Variants in TRPC7 observed in about 807,000 individuals in gnomAD.
TRPC7 encodes transient receptor potential cation channel subfamily C member 7.
Under a neutral mutation model 90.1 loss-of-function variants are expected in TRPC7, and 42 were observed. The ratio of observed to expected loss-of-function variants is 0.47; its 90% CI spans 0.36 to 0.60. TRPC7 has a LOEUF of 0.60. Ranked by LOEUF, TRPC7 falls within the 20% of genes least tolerant of loss-of-function variation. The pLI, the probability that TRPC7 is intolerant of heterozygous loss-of-function variation, is 0.00. For synonymous variants in TRPC7, 451 were observed against 436.3 expected, an observed-to-expected ratio of 1.03 and a Z score of -0.42; for missense variants, 955 against 1,112.3, an observed-to-expected ratio of 0.86 and a Z score of 2.01.
chr5:136,216,467 C>T (rs372381632), intron 10 of TRPC7, among the ~76,000 whole-genome samples, 192 bp from the exon 11 acceptor site: 5 of 152,162 alleles, frequency 3.3e-5, no homozygotes, highest in African/African-American at 9.7e-5. Flanking sequence ...TCGCCTCCCC[C>T]GCAGGATGCA....
intron 2 of TRPC7, among the ~76,000 whole-genome samples, chr5:136,321,799 AC>A (rs1759207876): frequency 6.6e-6 from 1 of 152,124 alleles, no homozygotes; most frequent in Admixed American, 6.5e-5. Context: ...GGACTGATGT[AC>A]TATATAAGCT....
intron 6 of TRPC7, among the ~76,000 whole-genome samples, chr5:136,251,126 A>G (rs1162523932): frequency 1.3e-5 from 2 of 152,212 alleles, no homozygotes; most frequent in East Asian, 1.9e-4. Flanking sequence ...TAAAGTCTCA[A>G]TCTACTACAT....
intron 8 of TRPC7, among the ~76,000 whole-genome samples, chr5:136,231,142 C>A (rs1192783943): frequency 6.6e-6 from 1 of 152,200 alleles, no homozygotes; most frequent in Non-Finnish European, 1.5e-5. Context: ...TCTGCTCTCG[C>A]TGGGCCTCAT....
At chr5:136,295,487 C>A (rs901426310) in intron 3 of TRPC7, among the ~76,000 whole-genome samples, 65 of 152,236 alleles carry the variant, frequency 4.3e-4, no homozygotes, top group African/African-American at 1.6e-3. Flanking sequence ...GCCTGCTAGG[C>A]AGGGTGAGCT....
intron 7 of TRPC7, among the ~76,000 whole-genome samples, chr5:136,242,139 T>G (rs770865968): frequency 9.9e-5 from 15 of 152,230 alleles, no homozygotes; most frequent in Non-Finnish European, 2.2e-4. Context: ...AGAACTTTTC[T>G]TAAAGACTTT....
chr5:136,300,353 T>C (rs913813132), intron 3 of TRPC7, among the ~76,000 whole-genome samples: 16 of 152,194 alleles, frequency 1.1e-4, no homozygotes, highest in African/African-American at 3.4e-4. Flanking sequence ...TCATGTGTGG[T>C]GGGAGTACTC....
chr5:136,319,716 T>A (rs1272147353), intron 2 of TRPC7, among the ~76,000 whole-genome samples: 1 of 134,232 alleles, frequency 7.4e-6, no homozygotes, highest in African/African-American at 2.5e-5. Flanking sequence ...TCATTTTACA[T>A]GACCTACCAA....
intron 3 of TRPC7, among the ~76,000 whole-genome samples, chr5:136,299,968 AT>A (rs1758320187): frequency 6.6e-6 from 1 of 152,196 alleles, no homozygotes; most frequent in South Asian, 2.1e-4. Context: ...ATCTTAGCAA[AT>A]GCAGTACAGT....
At chr5:136,308,568 C>G (rs1330194524) in intron 3 of TRPC7, among the ~76,000 whole-genome samples, 2 of 152,228 alleles carry the variant, frequency 1.3e-5, no homozygotes, top group Non-Finnish European at 2.9e-5. Context: ...CCCCAGGTCC[C>G]CTTTGCTCAC....
intron 2 of TRPC7, among the ~76,000 whole-genome samples, chr5:136,321,217 C>T (rs1264932212): frequency 1.3e-5 from 2 of 152,070 alleles, no homozygotes; most frequent in Non-Finnish European, 2.9e-5. Context: ...AGCGTGTTTC[C>T]TTCTATTTGG....
At chr5:136,329,978 C>T (rs1759450969) in intron 2 of TRPC7, among the ~76,000 whole-genome samples, 1 of 152,202 alleles carries the variant, frequency 6.6e-6, no homozygotes, top group South Asian at 2.1e-4. Flanking sequence ...CTCTGACACA[C>T]ATACACATAC....
At chr5:136,259,932 C>T (rs752881181) in intron 5 of TRPC7, among the ~76,000 whole-genome samples, 67 of 152,244 alleles carry the variant, frequency 4.4e-4, no homozygotes, top group Admixed American at 1.4e-3. Context: ...TTGTGGCTTT[C>T]ACTTTCTCTG....
intron 2 of TRPC7, among the ~76,000 whole-genome samples, chr5:136,350,013 G>A (rs1263610314): frequency 6.6e-6 from 1 of 152,164 alleles, no homozygotes; most frequent in East Asian, 1.9e-4. Flanking sequence ...GTAACATGCT[G>A]CACAGGTTTA....
intron 7 of TRPC7, among the ~76,000 whole-genome samples, chr5:136,234,357 G>A (rs1334605917): frequency 6.6e-6 from 1 of 151,604 alleles, no homozygotes; most frequent in African/African-American, 2.4e-5. Flanking sequence ...CGCCCAGGCT[G>A]GAGTGCAAGT....
intron 7 of TRPC7, among the ~76,000 whole-genome samples, chr5:136,245,971 G>A (rs11740657): frequency 0.12 from 18,303 of 152,154 alleles, 1,185 homozygotes; most frequent in Middle Eastern, 0.22. Flanking sequence ...GACCCTTCTC[G>A]GTGCTACCGA....
At chr5:136,346,444 C>A (rs887927333) in intron 2 of TRPC7, among the ~76,000 whole-genome samples, 8 of 151,940 alleles carry the variant, frequency 5.3e-5, no homozygotes, top group African/African-American at 1.9e-4. Flanking sequence ...TCTCGGCTGC[C>A]CTCCCTCCTT....
chr5:136,254,507 G>C (rs1379852735), intron 5 of TRPC7, among the ~76,000 whole-genome samples: 1 of 152,200 alleles, frequency 6.6e-6, no homozygotes, highest in Non-Finnish European at 1.5e-5. Context: ...CAGCGTATCT[G>C]TTTACAGCAT....
rs1756390758 is a variant in TRPC7, at chr5:136,247,759, C to T, written c.1580-24G>A. 6.2e-7 allele frequency: 1 copy of T among 1,602,934 alleles called. No homozygotes were observed. The highest frequency in any genetic ancestry group is 8.5e-7 in the Non-Finnish European group (1 of 1,173,344). ...GGCTAAAAGAAAACAATCTGGGTTA[C>T]TCACGAGGCCACAGGATCTATTCTA... On this transcript the variant is annotated intron_variant, in intron 6 of 11. Transcript: ENST00000513104. This position sits in a 1 kb window ranked among gnomAD's most constrained non-coding sequence, Gnocchi z 4.2.
chr5:136,220,409 C>T (rs1372362932), intron 10 of TRPC7, among the ~76,000 whole-genome samples: 3 of 152,038 alleles, frequency 2.0e-5, no homozygotes, highest in Admixed American at 6.6e-5. Context: ...TCCTGGGGGG[C>T]AGTCTATAAA....
Sources: gnomAD v4.1 joint callset for allele counts (sites outside exome capture counted in the v4.1 genomes callset) on GRCh38, gnomAD v4.1.1 for gene constraint, Gnocchi (gnomAD v3.1) non-coding constraint, MANE v1.5 for transcripts, NCBI Gene and HGNC (gene_info 2026-07-23, HGNC 2026-07-21) for gene names.